Variants in RBM17 observed in about 807,000 individuals in gnomAD.
RBM17 encodes the protein splicing factor 45.
Under a neutral mutation model 53.2 loss-of-function variants are expected in RBM17, and 7 were observed. That is an observed-to-expected ratio of 0.13 (90% CI 0.07 to 0.25). The LOEUF (loss-of-function observed/expected upper bound fraction) is 0.25, where lower values mean the gene tolerates loss of function less well. RBM17 is among the 10% of genes least tolerant of loss of function. The pLI is 1.00. For missense variants in RBM17, 257 were observed against 496.7 expected (o/e 0.52, Z 4.59); for synonymous variants, 167 against 178.1 (o/e 0.94, Z 0.50).
At chr10:6,103,272 C>A (rs376726439) in intron 3 of RBM17, among the ~76,000 whole-genome samples, 1 of 152,162 alleles carries the variant, frequency 6.6e-6, no homozygotes. Context: ...CATCCTCCCC[C>A]CTCAGCATTG....
At position 6,106,135 on chromosome 10, in the gene RBM17, T is replaced by C; in HGVS notation, c.408-6T>C. 3 of 1,603,850 alleles carry C rather than the reference T, an allele frequency of 1.9e-6. No homozygotes were observed. The highest frequency in any genetic ancestry group is 1.7e-6 in the Non-Finnish European group (2 of 1,170,888). ...TGATGAACATTTATTTCCTTTGTTATCACAGAAGGCGTAAAGACAGACATG... is the reference window on the plus strand; with the variant it reads ...TGATGAACATTTATTTCCTTTGTTACCACAGAAGGCGTAAAGACAGACATG... On this transcript the variant is annotated splice_polypyrimidine_tract_variant and splice_region_variant and intron_variant, in intron 4 of 11. Coordinates refer to ENST00000379888, the MANE Select transcript of RBM17 (RefSeq NM_032905.5).
At position 6,105,113 on chromosome 10, in the gene RBM17, G is replaced by A; in HGVS notation, c.407+16G>A. On this transcript the variant is annotated intron_variant, in intron 4 of 11. Transcript: ENST00000379888. Reference sequence around the variant, plus strand: ...AAAGGGAAAAGTAAGGCTTCCTTTGGATTTGGGGATATTTTACAGTTGAAA... The same window carrying A: ...AAAGGGAAAAGTAAGGCTTCCTTTGAATTTGGGGATATTTTACAGTTGAAA... 6.2e-7 allele frequency: 1 copy of A among 1,607,524 alleles called. No homozygotes were observed. The highest frequency in any genetic ancestry group is 8.5e-7 in the Non-Finnish European group (1 of 1,175,264).
intron 3 of RBM17, among the ~76,000 whole-genome samples, chr10:6,103,530 AAAG>A (rs1840700580): frequency 6.6e-6 from 1 of 152,106 alleles, no homozygotes; most frequent in Non-Finnish European, 1.5e-5. Context: ...TAATAACTGA[AAAG>A]AAATCTTCAT....
chr10:6,102,318 A>C (rs1840680314), intron 3 of RBM17, among the ~76,000 whole-genome samples: 1 of 152,142 alleles, frequency 6.6e-6, no homozygotes, highest in African/African-American at 2.4e-5. Context: ...ACTCCTGCCC[A>C]TCTGTTTCAC....
chr10:6,093,068 C>G (rs1361296564), intron 1 of RBM17, among the ~76,000 whole-genome samples: 2 of 152,186 alleles, frequency 1.3e-5, no homozygotes, highest in South Asian at 2.1e-4. Flanking sequence ...CAGCTGAGAT[C>G]TAGTACACTG....
intron 6 of RBM17, among the ~76,000 whole-genome samples, chr10:6,109,538 C>G (rs1216261572): frequency 6.6e-6 from 1 of 152,182 alleles, no homozygotes; most frequent in Non-Finnish European, 1.5e-5. Flanking sequence ...AGCCACCGCT[C>G]CAGTGCGTAG....
intron 5 of RBM17, chr10:6,108,445 T>C (rs1185554125): frequency 4.0e-6 from 2 of 496,238 alleles, no homozygotes; most frequent in Non-Finnish European, 7.2e-6. Context: ...ATTGTGGGGC[T>C]CTTGAGTTCC....
chr10:6,107,911 T>C (rs1337080540), intron 5 of RBM17, among the ~76,000 whole-genome samples: 1 of 152,216 alleles, frequency 6.6e-6, no homozygotes, highest in Non-Finnish European at 1.5e-5. Flanking sequence ...TGTAATATTA[T>C]GTATACGTAA....
rs770290110 is a variant in RBM17, at chr10:6,105,031, G to T, written c.341G>T (p.Arg114Leu). ...FPNDYEKVVKRQREERQRQRE... is the reference protein window; with the variant it reads ...FPNDYEKVVKLQREERQRQRE... ...AATGATTATGAGAAAGTAGTGAAGC[G>T]CCAAAGAGAGGAACGACAGAGACAG... Residue 114 changes from arginine to leucine, a missense_variant, in exon 4 of 12, where the codon CGC (arginine) becomes CTC (leucine). By Grantham distance (102) the Arg-to-Leu change is moderately radical. This residue lies in a region of RBM17 where 127 missense variants were observed against 217.2 expected (regional missense o/e 0.58). Coordinates refer to ENST00000379888, the MANE Select transcript of RBM17 (RefSeq NM_032905.5). 1 of 1,614,010 alleles carries T rather than the reference G, an allele frequency of 6.2e-7. No homozygotes were observed. The highest frequency in any genetic ancestry group is 1.1e-5 in the South Asian group (1 of 91,068).
intron 4 of RBM17, among the ~76,000 whole-genome samples, chr10:6,105,438 T>C (rs1840735375): frequency 6.6e-6 from 1 of 152,244 alleles, no homozygotes; most frequent in South Asian, 2.1e-4. Flanking sequence ...CTCCAAAATC[T>C]TTTGAATGCC....
At chr10:6,107,484 T>C (rs1257248707) in intron 5 of RBM17, among the ~76,000 whole-genome samples, 8 of 124,466 alleles carry the variant, frequency 6.4e-5, no homozygotes, top group African/African-American at 2.4e-4. Flanking sequence ...GGCCTCTTTT[T>C]TTTTTTTTTT....
At position 6,106,180 on chromosome 10, in the gene RBM17, G is replaced by A. The variant is rs752445161; in HGVS notation, c.447G>A (p.Arg149=). The change falls in exon 5 of 12, where the codon AGG becomes AGA. Residue 149 remains arginine, a synonymous_variant. Transcript: ENST00000379888. ...GACATGAAGCAAGTGGGTTTGCAAGGAGACCAGATCCAGATTCTGATGAAG... is the reference window on the plus strand; with the variant it reads ...GACATGAAGCAAGTGGGTTTGCAAGAAGACCAGATCCAGATTCTGATGAAG... ...KDRHEASGFA[R]RPDPDSDEDE... 8 of 1,613,870 alleles carry A rather than the reference G, an allele frequency of 5.0e-6. No individual in the cohort carries two copies. The South Asian group carries it at 5.5e-5, about 11-fold the overall frequency.
intron 1 of RBM17, among the ~76,000 whole-genome samples, chr10:6,090,909 A>G (rs1332610351): frequency 7.3e-6 from 1 of 136,624 alleles, no homozygotes; most frequent in Non-Finnish European, 1.5e-5. Context: ...TACTTGAGGT[A>G]GATGCTTTTT....
chr10:6,108,920 A>G (rs1034726412), intron 6 of RBM17, among the ~76,000 whole-genome samples, 178 bp downstream of exon 6: 51 of 152,230 alleles, frequency 3.4e-4, no homozygotes, highest in African/African-American at 1.1e-3. Context: ...TCCTGCAGAG[A>G]GAGACCTTTC....
At position 6,112,166 on chromosome 10, in the gene RBM17, G is replaced by A. The variant is rs1425938035; in HGVS notation, c.705-44G>A. 6.3e-7 allele frequency: 1 copy of A among 1,594,856 alleles called. No individual in the cohort carries two copies. Among genetic ancestry groups the A allele is most frequent in the Non-Finnish European group, 8.5e-7 (1 of 1,174,244 alleles). On this transcript the variant is annotated intron_variant, in intron 7 of 11. Coordinates refer to ENST00000379888, the MANE Select transcript of RBM17 (RefSeq NM_032905.5). This position sits in a 1 kb window ranked among gnomAD's most constrained non-coding sequence, Gnocchi z 4.4. ...GGAAAAATGCAACCTATCTCCAGTT[G>A]ACGATGTCAAGGCTAAGAGTCCTTT...
chr10:6,098,563 GTTTTTTTTTTT>G (rs398012715), intron 2 of RBM17, among the ~76,000 whole-genome samples: 37 of 46,664 alleles, frequency 7.9e-4, no homozygotes, highest in African/African-American at 2.2e-3. Flanking sequence ...CAGGTTTTTT[GTTTTTTTTTTT>G]TTTTTTTTTT....
Position 6,108,626 on chromosome 10 carries a change from A to G in RBM17, c.506-60A>G. On this transcript the variant is annotated intron_variant, in intron 5 of 11. Coordinates refer to ENST00000379888, the MANE Select transcript of RBM17 (RefSeq NM_032905.5). ...GGGTGATAGATATATGGTGTGTCAT[A>G]GTCGTTTGGGAGTCTGGCATCGGAA... 16 of 1,351,402 alleles carry G rather than the reference A, an allele frequency of 1.2e-5. 1 individual carries two copies. The South Asian group carries it at 1.9e-4, about 16-fold the overall frequency. 83.7% of individuals were successfully genotyped at this position (1,351,402 alleles called of 1,614,324 possible). A position where few individuals can be genotyped will look rare whatever the true frequency, so the allele number is the denominator to read the frequency against.
At position 6,098,563 on chromosome 10, in the gene RBM17, G is replaced by GTGTTTTTTTTTT. The variant is rs1554834988; in HGVS notation, c.123+1376_123+1377insGTTTTTTTTTTT. Among the ~76,000 whole-genome samples the GTGTTTTTTTTTT allele has an allele frequency of 8.6e-4, 40 of 46,666 alleles. 3 individuals carry two copies. The highest frequency in any genetic ancestry group is 1.4e-3 in the Non-Finnish European group (31 of 22,536). The allele number at this position is 46,666 out of a possible 152,430, so 30.6% of individuals were successfully genotyped here. ...AATTTCCGTAATACACAGGTTTTTT[G>GTGTTTTTTTTTT]TTTTTTTTTTTTTTTTTTTTTTTTT... On this transcript the variant is annotated intron_variant, in intron 2 of 11. Coordinates refer to ENST00000379888, the MANE Select transcript of RBM17 (RefSeq NM_032905.5).
chr10:6,114,079 G>A lies in RBM17; in HGVS notation c.961G>A (p.Asp321Asn). ...NMVGAGEVDE[D>N]LEVETKEECE... The stretch of plus-strand genomic sequence containing the variant: ...GGTTGGTGCGGGAGAGGTGGATGAA[G>A]ACTTGGAAGTTGAAACCAAGGAAGA... The change falls in exon 10 of 12, where the codon GAC becomes AAC. Residue 321 changes from aspartate (D) to asparagine (N), a missense_variant. Transcript: ENST00000379888. 1 of 1,613,486 alleles carries A rather than the reference G, an allele frequency of 6.2e-7. No individual in the cohort carries two copies. The highest frequency in any genetic ancestry group is 1.1e-5 in the South Asian group (1 of 91,026).
Sources: gnomAD v4.1 joint callset for allele counts (sites outside exome capture counted in the v4.1 genomes callset) on GRCh38, gnomAD v4.1.1 for gene constraint, gnomAD v4.1.1 regional missense constraint, Gnocchi (gnomAD v3.1) non-coding constraint, MANE v1.5 for transcripts, NCBI Gene and HGNC (gene_info 2026-07-23, HGNC 2026-07-21) for gene names.